Variants in UBE2R2 observed in about 807,000 individuals in gnomAD.
UBE2R2 encodes the protein ubiquitin-conjugating enzyme E2 R2.
UBE2R2 carries 1 observed loss-of-function variant against 27.8 expected under a neutral mutation model. That is an observed-to-expected ratio of 0.04 (90% CI 0.01 to 0.17). The LOEUF is 0.17. Ranked by LOEUF, UBE2R2 falls within the 10% of genes least tolerant of loss-of-function variation. The pLI is 1.00. For missense variants in UBE2R2, 100 were observed against 291.0 expected (o/e 0.34, Z 4.78); for synonymous variants, 106 against 113.3 (o/e 0.94, Z 0.41).
chr9:33,824,556 G>A lies in UBE2R2; in HGVS notation c.177+6622G>A, dbSNP rs140630491. On this transcript the variant is annotated intron_variant, in intron 1 of 4. Transcript: ENST00000263228. ...TGGGAGGCTGAGGCAGGAGAATGGCGTGAACCCGGGAGGCGGAGCTTGCAG... is the reference window on the plus strand; with the variant it reads ...TGGGAGGCTGAGGCAGGAGAATGGCATGAACCCGGGAGGCGGAGCTTGCAG... Among the ~76,000 whole-genome samples the A allele has an allele frequency of 1.2e-3, 184 of 150,008 alleles. 2 individuals are homozygous for A. In the East Asian group the frequency reaches 0.032, roughly 26 times the overall value.
At position 33,817,179 on chromosome 9, in the gene UBE2R2, C is replaced by T. The variant is rs967879220; in HGVS notation, c.-579C>T. Among the ~76,000 whole-genome samples the T allele has an allele frequency of 7.0e-6, 1 of 142,758 alleles. No homozygotes were observed. Among genetic ancestry groups the T allele is most frequent in the Non-Finnish European group, 1.5e-5 (1 of 65,020 alleles). The allele number at this position is 142,758 out of a possible 152,430, so 93.7% of individuals were successfully genotyped here. ...CTCCCTGCTTCTCGGCTCCGTTGCT[C>T]CCGCGGCGCGAGGCGCTCTCGCTCT... On this transcript the variant is annotated 5_prime_UTR_variant, in exon 1 of 5. Transcript: ENST00000263228.
At chr9:33,869,436 TTTA>T in intron 1 of UBE2R2, among the ~76,000 whole-genome samples, 1 of 149,404 alleles carries the variant, frequency 6.7e-6, no homozygotes, top group Middle Eastern at 3.4e-3. Flanking sequence ...TATTTATTTA[TTTA>T]TTTATTTATT....
Position 33,918,605 on chromosome 9 carries a change from G to C in UBE2R2, c.*1368G>C, listed in dbSNP as rs1400287073. On this transcript the variant is annotated 3_prime_UTR_variant, in exon 5 of 5. Transcript: ENST00000263228. The stretch of plus-strand genomic sequence containing the variant: ...ATCCAGCAGCCTTCACCATCCAGGA[G>C]ACTTCAGAACTTGAAGGTAATTTTT... The C allele has an allele frequency of 6.6e-6, 1 of 152,448 alleles. No individual in the cohort carries two copies. The highest frequency in any genetic ancestry group is 2.4e-5 in the African/African-American group (1 of 41,434). 9.4% of individuals were successfully genotyped at this position (152,448 alleles called of 1,614,324 possible).
rs1408295602 is a variant in UBE2R2 at position 33,918,250 on chromosome 9, A to G, written c.*1013A>G. 1.3e-5 allele frequency: 2 copies of G among 152,064 alleles called. No individual in the cohort carries two copies. The highest frequency in any genetic ancestry group is 2.4e-5 in the African/African-American group (1 of 41,402). The allele number at this position is 152,064 out of a possible 1,614,324, so 9.4% of individuals were successfully genotyped here. On this transcript the variant is annotated 3_prime_UTR_variant, in exon 5 of 5. Transcript: ENST00000263228. ...CATGACGTTTTGTTTTTGTTTTTTA[A>G]GTAGCCACTTTTAATTACTCAGTAT...
chr9:33,828,411 GCAGA>G (rs1422777031), intron 1 of UBE2R2, among the ~76,000 whole-genome samples: 1 of 52,964 alleles, frequency 1.9e-5, no homozygotes, highest in Non-Finnish European at 3.8e-5. Context: ...TTTTTTTTTT[GCAGA>G]CAGTCTCACT....
At position 33,817,587 on chromosome 9, in the gene UBE2R2, G is replaced by A. The variant is rs1825827700; in HGVS notation, c.-171G>A. 1 of 674,682 alleles carries A rather than the reference G, an allele frequency of 1.5e-6. No homozygotes were observed. The allele number at this position is 674,682 out of a possible 1,614,324, so 41.8% of individuals were successfully genotyped here. On this transcript the variant is annotated 5_prime_UTR_variant, in exon 1 of 5. Coordinates refer to ENST00000263228, the MANE Select transcript of UBE2R2 (RefSeq NM_017811.4). ...CTGCGTCGTGTGTGAGGAGGACCCC[G>A]GGCGGGCCCACGGGCCGTGTGGGGC...
Position 33,889,960 on chromosome 9 carries a change from G to A in UBE2R2, c.264+2993G>A, listed in dbSNP as rs112487257. Among the ~76,000 whole-genome samples, 670 of 152,218 alleles carry A rather than the reference G, an allele frequency of 4.4e-3. 8 individuals carry two copies. Among genetic ancestry groups the A allele is most frequent in the East Asian group, 0.024 (123 of 5,178 alleles). On this transcript the variant is annotated intron_variant, in intron 2 of 4. Coordinates refer to ENST00000263228, the MANE Select transcript of UBE2R2 (RefSeq NM_017811.4). ...CTCCCAAAGTGCTGGGGTTACAGGC[G>A]TGAGCCACCGCACCCAGCAGAGAGT...
intron 1 of UBE2R2, among the ~76,000 whole-genome samples, chr9:33,839,081 C>CAA (rs71943200): frequency 3.1e-5 from 4 of 128,240 alleles, no homozygotes; most frequent in Non-Finnish European, 3.3e-5. Flanking sequence ...GGCACTGTCT[C>CAA]AAAAAAAAAA....
chr9:33,815,759 T>C (rs1023100008), upstream of UBE2R2, among the ~76,000 whole-genome samples: 17 of 150,870 alleles, frequency 1.1e-4, no homozygotes, highest in Non-Finnish European at 2.5e-4. Flanking sequence ...AAGGGGTGGG[T>C]AGTGGTGGTA....
intron 1 of UBE2R2, among the ~76,000 whole-genome samples, chr9:33,860,777 G>C (rs1235800400): frequency 1.3e-5 from 2 of 151,836 alleles, no homozygotes; most frequent in East Asian, 3.9e-4. Flanking sequence ...GTGGCCTGTA[G>C]CCCTAGCTAC....
At chr9:33,825,715 G>A (rs1820302499) in intron 1 of UBE2R2, among the ~76,000 whole-genome samples, 1 of 152,130 alleles carries the variant, frequency 6.6e-6, no homozygotes, top group African/African-American at 2.4e-5. Context: ...TAACAGTGAG[G>A]AAAAGGTATA....
upstream of UBE2R2, among the ~76,000 whole-genome samples, chr9:33,816,166 G>C (rs746700023): frequency 6.6e-6 from 1 of 152,168 alleles, no homozygotes. Flanking sequence ...TTCCGAAACT[G>C]TGTGTGTAGA....
At chr9:33,846,520 T>G (rs1470399054) in intron 1 of UBE2R2, among the ~76,000 whole-genome samples, 1 of 152,132 alleles carries the variant, frequency 6.6e-6, no homozygotes, top group Non-Finnish European at 1.5e-5. Context: ...CTCTCTCTTT[T>G]TTGGTTTTAA....
intron 3 of UBE2R2, among the ~76,000 whole-genome samples, chr9:33,909,133 C>A (rs1822429327): frequency 6.6e-6 from 1 of 152,130 alleles, no homozygotes; most frequent in Non-Finnish European, 1.5e-5. Context: ...ACATTATCAT[C>A]ATCATCATCG....
intron 1 of UBE2R2, among the ~76,000 whole-genome samples, chr9:33,871,079 C>A (rs1273162430): frequency 6.6e-6 from 1 of 152,162 alleles, no homozygotes; most frequent in Non-Finnish European, 1.5e-5. Context: ...TCAAGTAGTA[C>A]CCCTTTGTAA....
At chr9:33,887,001 AT>A (rs748845797) in intron 2 of UBE2R2, 34 bp downstream of exon 2, 16,975 of 1,266,350 alleles carry the variant, frequency 0.013, no homozygotes, top group Admixed American at 0.016. Flanking sequence ...TTCTCTGAAG[AT>A]TTTTTTTTTT....
intron 1 of UBE2R2, among the ~76,000 whole-genome samples, chr9:33,835,145 GTTT>G (rs3060448): frequency 1.8e-5 from 2 of 112,110 alleles, no homozygotes; most frequent in Admixed American, 1.0e-4. Flanking sequence ...CTAAGTGTAG[GTTT>G]TTTTTTTTTT....
At chr9:33,849,079 A>G (rs1307510718) in intron 1 of UBE2R2, among the ~76,000 whole-genome samples, 1 of 151,898 alleles carries the variant, frequency 6.6e-6, no homozygotes, top group African/African-American at 2.4e-5. Flanking sequence ...CAACATGGAG[A>G]AACCTTGTTT....
rs1439791890 is a variant in UBE2R2 at position 33,900,105 on chromosome 9, T to G, written c.265-69T>G. The stretch of plus-strand genomic sequence containing the variant: ...CAGTTTCTAGGAATAAAGGAAACTT[T>G]AGAACCGATGTCCCTTTTTGTACAT... On this transcript the variant is annotated intron_variant, in intron 2 of 4. Transcript: ENST00000263228. 3 of 1,259,018 alleles carry G rather than the reference T, an allele frequency of 2.4e-6. No homozygotes were observed. In the African/African-American group the frequency reaches 4.5e-5, roughly 19 times the overall value. The allele number at this position is 1,259,018 out of a possible 1,614,324, so 78.0% of individuals were successfully genotyped here.
Sources: allele counts gnomAD v4.1 joint callset (sites outside exome capture counted in the v4.1 genomes callset), GRCh38; gene constraint gnomAD v4.1.1; transcripts MANE v1.5; gene names NCBI Gene and HGNC (gene_info 2026-07-23, HGNC 2026-07-21).